The following KAZN variants were observed in gnomAD, a reference collection of about 807,000 sequenced individuals.
KAZN encodes kazrin, periplakin interacting protein, also known as kazrin.
A neutral mutation model predicts 87.4 loss-of-function variants in KAZN; 40 were observed. That is an observed-to-expected ratio of 0.46 (90% CI 0.36 to 0.60). KAZN has a LOEUF of 0.60. KAZN is among the 20% of genes least tolerant of loss of function. KAZN has a pLI of 0.00. For synonymous variants in KAZN, 466 were observed against 458.3 expected (o/e 1.02, Z -0.22); for missense variants, 898 against 1,073.9 (o/e 0.84, Z 2.29).
At position 14,180,129 on chromosome 1, in the gene KAZN, A is replaced by AT. The variant is rs113718963; in HGVS notation, c.92-295dup. On this transcript the variant is annotated intron_variant, in intron 1 of 16. Transcript: ENST00000636203. ...ATTCATGTATCTATTTAACACCTTG[A>AT]TTTTTTTTTTTAAGTTTCTGCAACA... 9.3e-3 allele frequency among the ~76,000 whole-genome samples: 1,386 copies of AT among 148,724 alleles called. 21 individuals are homozygous for AT. The highest frequency in any genetic ancestry group is 0.032 in the African/African-American group (1,283 of 40,582).
chr1:14,945,814 C>T, intron 1 of KAZN: 1 of 956,894 alleles, frequency 1.0e-6, no homozygotes, highest in Non-Finnish European at 1.2e-6. Context: ...GAGCCTCCCA[C>T]CAAAGGGCAA....
chr1:14,931,281 A>G (rs1194120206), intron 1 of KAZN, among the ~76,000 whole-genome samples: 2 of 151,940 alleles, frequency 1.3e-5, no homozygotes, highest in African/African-American at 4.8e-5. Context: ...TACTAAAAAA[A>G]AAAAATACAA....
chr1:14,369,785 T>C (rs915723312), intron 2 of KAZN, among the ~76,000 whole-genome samples: 6 of 152,250 alleles, frequency 3.9e-5, no homozygotes, highest in Admixed American at 1.3e-4. Context: ...TAGGGGAATC[T>C]GGAACTGCTT....
At chr1:14,929,884 C>T (rs1659611361) in intron 1 of KAZN, 1 of 985,446 alleles carries the variant, frequency 1.0e-6, no homozygotes, top group Non-Finnish European at 1.2e-6. Context: ...GTGGGGACTC[C>T]AGGCTTTCTC....
chr1:14,419,377 T>C (rs1204132648), intron 2 of KAZN, among the ~76,000 whole-genome samples: 2 of 152,158 alleles, frequency 1.3e-5, no homozygotes, highest in Admixed American at 1.3e-4. Flanking sequence ...ATCTATCTCA[T>C]TGCCTGGGAA....
At chr1:15,104,873 G>T (rs1245494263) in intron 13 of KAZN, among the ~76,000 whole-genome samples, 1 of 152,250 alleles carries the variant, frequency 6.6e-6, no homozygotes, top group Non-Finnish European at 1.5e-5. Context: ...CTTCTTCAAA[G>T]GTACCAAGCT....
chr1:14,792,237 A>G (rs1463406956), intron 1 of KAZN, among the ~76,000 whole-genome samples: 1 of 152,136 alleles, frequency 6.6e-6, no homozygotes, highest in Non-Finnish European at 1.5e-5. Flanking sequence ...AGGAGACAAA[A>G]TGTACAAGCT....
chr1:14,422,579 TTGTG>T (rs1665495228), intron 2 of KAZN, among the ~76,000 whole-genome samples: 1 of 152,234 alleles, frequency 6.6e-6, no homozygotes, highest in Admixed American at 6.5e-5. Context: ...AAAAGTCTCA[TTGTG>T]TGGCTGGATT....
Position 14,659,163 on chromosome 1 carries a change from C to T in KAZN, c.226+59940C>T, listed in dbSNP as rs145726232. ...TGAAGCACAAGAATTGCTTGAACCC[C>T]GTTGTAGTGAGCCAAGATCCTGCCA... is the stretch of plus-strand genomic sequence containing the variant. On this transcript the variant is annotated intron_variant, in intron 1 of 14. Coordinates refer to ENST00000376030, the MANE Select transcript of KAZN (RefSeq NM_201628.3). Among the ~76,000 whole-genome samples the T allele has an allele frequency of 6.2e-3, 949 of 152,052 alleles. 12 individuals carry two copies. Among genetic ancestry groups the T allele is most frequent in the African/African-American group, 0.021 (878 of 41,466 alleles).
At chr1:14,812,313 C>T (rs1646437204) in intron 1 of KAZN, among the ~76,000 whole-genome samples, 1 of 152,206 alleles carries the variant, frequency 6.6e-6, no homozygotes, top group Admixed American at 6.5e-5. Flanking sequence ...CCCCTTCACT[C>T]CTTAGCTGGT....
chr1:15,110,825 C>G (rs1641582018), intron 13 of KAZN, among the ~76,000 whole-genome samples: 1 of 152,178 alleles, frequency 6.6e-6, no homozygotes, highest in African/African-American at 2.4e-5. Context: ...CAAGACACAC[C>G]CCCTCTTTGG....
At chr1:14,140,946 C>T (rs979195044) in intron 1 of KAZN, among the ~76,000 whole-genome samples, 1 of 152,086 alleles carries the variant, frequency 6.6e-6, no homozygotes, top group Non-Finnish European at 1.5e-5. Context: ...ATCTCGCCTG[C>T]CAAGAATGAG....
intron 1 of KAZN, among the ~76,000 whole-genome samples, chr1:13,925,715 G>A (rs1421767868): frequency 1.3e-5 from 2 of 152,194 alleles, no homozygotes; most frequent in Non-Finnish European, 2.9e-5. Context: ...TACCTTGACT[G>A]ACATACAAGT....
chr1:14,367,056 CCT>C (rs1660059718), intron 2 of KAZN, among the ~76,000 whole-genome samples: 2 of 152,180 alleles, frequency 1.3e-5, no homozygotes, highest in African/African-American at 4.8e-5. Context: ...ATGGTGAAAC[CCT>C]GTCTCTACTA....
chr1:14,367,161 G>A (rs193271538), intron 2 of KAZN, among the ~76,000 whole-genome samples: 45 of 152,188 alleles, frequency 3.0e-4, no homozygotes, highest in Non-Finnish European at 2.9e-5. Context: ...CACAGGAGGC[G>A]GAGGTTGCAG....
chr1:14,394,670 ATT>A (rs1250696242), intron 2 of KAZN, among the ~76,000 whole-genome samples: 4 of 152,164 alleles, frequency 2.6e-5, no homozygotes, highest in African/African-American at 7.2e-5. Flanking sequence ...ACTAAGTGAT[ATT>A]GTCATTCTTT....
chr1:14,989,999 T>C (rs1380093994), intron 2 of KAZN, among the ~76,000 whole-genome samples: 1 of 152,052 alleles, frequency 6.6e-6, no homozygotes, highest in African/African-American at 2.4e-5. Context: ...ACAGCAACTC[T>C]ATGACATAGG....
At chr1:14,046,682 C>T (rs1220991632) in intron 1 of KAZN, among the ~76,000 whole-genome samples, 7 of 152,130 alleles carry the variant, frequency 4.6e-5, no homozygotes, top group Admixed American at 1.3e-4. Flanking sequence ...AGGATGGAGG[C>T]ATACAGTGTC....
chr1:14,411,771 A>T (rs1664323994), intron 2 of KAZN, among the ~76,000 whole-genome samples: 1 of 152,248 alleles, frequency 6.6e-6, no homozygotes, highest in Non-Finnish European at 1.5e-5. Flanking sequence ...CAAGCATCAA[A>T]TGTGAGCTGG....
Sources: gnomAD v4.1 joint callset for allele counts (sites outside exome capture counted in the v4.1 genomes callset) on GRCh38, gnomAD v4.1.1 for gene constraint, MANE v1.5 for transcripts, NCBI Gene and HGNC (gene_info 2026-07-23, HGNC 2026-07-21) for gene names.